Variants in TGFBR3 observed in about 807,000 individuals in gnomAD.
TGFBR3 encodes the protein transforming growth factor beta receptor 3.
TGFBR3 carries 46 observed loss-of-function variants against 87.9 expected under a neutral mutation model. That is an observed-to-expected ratio of 0.52 (90% CI 0.41 to 0.67). The LOEUF is 0.67. Ranked by LOEUF, TGFBR3 falls within the 30% of genes least tolerant of loss-of-function variation. The pLI is 0.00. For synonymous variants in TGFBR3, 381 were observed against 391.6 expected (o/e 0.97, Z 0.32); for missense variants, 866 against 1,041.9 (o/e 0.83, Z 2.32).
intron 14 of TGFBR3, among the ~76,000 whole-genome samples, chr1:91,707,895 T>G (rs1345223689): frequency 6.6e-6 from 1 of 152,236 alleles, no homozygotes; most frequent in African/African-American, 2.4e-5. Context: ...CCTTGTCAGA[T>G]GCTCTTCTCA....
intron 2 of TGFBR3, among the ~76,000 whole-genome samples, chr1:91,830,694 C>T (rs533719233): frequency 1.3e-5 from 2 of 152,080 alleles, no homozygotes; most frequent in Non-Finnish European, 2.9e-5. Flanking sequence ...CAATACCCCA[C>T]CCCTGACAGA....
chr1:91,721,018 A>G (rs1672349004), intron 8 of TGFBR3, among the ~76,000 whole-genome samples: 1 of 152,210 alleles, frequency 6.6e-6, no homozygotes, highest in Non-Finnish European at 1.5e-5. Context: ...TCGTATTTCT[A>G]ACAACTAAAA....
At chr1:91,738,401 T>TG (rs901479071) in intron 4 of TGFBR3, among the ~76,000 whole-genome samples, 12 of 152,190 alleles carry the variant, frequency 7.9e-5, no homozygotes, top group African/African-American at 2.9e-4. Context: ...GTTTGGATCA[T>TG]GGGGGCAGAT....
intron 4 of TGFBR3, among the ~76,000 whole-genome samples, chr1:91,747,612 G>A (rs1201511753): frequency 6.6e-6 from 1 of 152,216 alleles, no homozygotes; most frequent in African/African-American, 2.4e-5. Context: ...GTGATGGTCA[G>A]TTTTATATGT....
chr1:91,795,555 T>TA (rs1238875912), intron 3 of TGFBR3, among the ~76,000 whole-genome samples: 3 of 152,248 alleles, frequency 2.0e-5, no homozygotes, highest in Non-Finnish European at 2.9e-5. Context: ...TCAACAACAG[T>TA]ACTGCACAAT....
At chr1:91,854,572 C>A (rs1056852028) in intron 2 of TGFBR3, among the ~76,000 whole-genome samples, 1 of 152,066 alleles carries the variant, frequency 6.6e-6, no homozygotes, top group African/African-American at 2.4e-5. Flanking sequence ...ATATTTTACA[C>A]ATGAAAATTG....
chr1:91,739,396 C>T (rs1673074292), intron 4 of TGFBR3, among the ~76,000 whole-genome samples: 1 of 152,144 alleles, frequency 6.6e-6, no homozygotes, highest in African/African-American at 2.4e-5. Context: ...AAAATAAATG[C>T]AAAGTCTTAT....
chr1:91,746,818 A>T (rs1673366015), intron 4 of TGFBR3, among the ~76,000 whole-genome samples: 1 of 152,192 alleles, frequency 6.6e-6, no homozygotes. Flanking sequence ...TACCCAAGGC[A>T]CACAGCTGGC....
chr1:91,787,564 A>G (rs1345845854), intron 3 of TGFBR3, among the ~76,000 whole-genome samples: 1 of 152,178 alleles, frequency 6.6e-6, no homozygotes, highest in Non-Finnish European at 1.5e-5. Flanking sequence ...GGAGAAGCCC[A>G]GGCAGAGTTT....
intron 3 of TGFBR3, among the ~76,000 whole-genome samples, chr1:91,778,354 T>G (rs1055926704): frequency 6.6e-6 from 1 of 152,262 alleles, no homozygotes; most frequent in East Asian, 1.9e-4. Context: ...TGTCTTTATA[T>G]TGACAGAAAA....
chr1:91,760,143 A>G (rs1377287158), intron 3 of TGFBR3, among the ~76,000 whole-genome samples: 3 of 152,252 alleles, frequency 2.0e-5, no homozygotes, highest in Non-Finnish European at 4.4e-5. Flanking sequence ...TATTCTATGA[A>G]TAACTTGCAT....
Position 91,681,279 on chromosome 1 carries a change from GA to G in TGFBR3, c.*2459del, listed in dbSNP as rs1670898952. 2.3e-6 allele frequency: 1 copy of G among 442,742 alleles called. No homozygotes were observed. The highest frequency in any genetic ancestry group is 2.5e-5 in the Admixed American group (1 of 40,338). The allele number at this position is 442,742 out of a possible 1,614,324, so 27.4% of individuals were successfully genotyped here. A position where few individuals can be genotyped will look rare whatever the true frequency, so the allele number is the denominator to read the frequency against. On this transcript the variant is annotated 3_prime_UTR_variant, in exon 17 of 17. Transcript: ENST00000212355. ...ATGTTCATTTTTTAGAAACATTTCA[GA>G]AATACTTAACGACATTCACTCTCCA... is the stretch of plus-strand genomic sequence containing the variant.
chr1:91,800,814 G>T (rs927410130), intron 2 of TGFBR3: 1 of 157,970 alleles, frequency 6.3e-6, no homozygotes, highest in Non-Finnish European at 1.4e-5. Flanking sequence ...GCCCAGTGCG[G>T]TGGCTCATGC....
chr1:91,772,092 T>C (rs909852953), intron 3 of TGFBR3, among the ~76,000 whole-genome samples: 5 of 152,216 alleles, frequency 3.3e-5, no homozygotes, highest in Admixed American at 3.3e-4. Flanking sequence ...GAAAGGGTAC[T>C]GGAGCCAGAT....
chr1:91,704,530 G>A (rs973649030), intron 14 of TGFBR3, among the ~76,000 whole-genome samples: 2 of 152,144 alleles, frequency 1.3e-5, no homozygotes, highest in Admixed American at 1.3e-4. Flanking sequence ...CCATTTATAT[G>A]TTGTGTGCCC....
chr1:91,766,198 C>CTT (rs749978314), intron 3 of TGFBR3, among the ~76,000 whole-genome samples: 32,095 of 114,338 alleles, frequency 0.28, 5,272 homozygotes, highest in South Asian at 0.38. Flanking sequence ...AGTTTGTTTT[C>CTT]TTTTTTTTTT....
intron 11 of TGFBR3, 31 bp from the exon 12 acceptor site, chr1:91,716,425 G>A (rs1187420116): frequency 6.2e-7 from 1 of 1,614,134 alleles, no homozygotes. Flanking sequence ...GAAGATTAAT[G>A]ACAGTCATAT....
chr1:91,735,070 T>C (rs10874913), intron 4 of TGFBR3, 111 bp from the exon 5 acceptor site: 1,263,063 of 1,289,324 alleles, frequency 0.98, 622,122 homozygotes, highest in South Asian at 1. Context: ...CTCTTCCCTT[T>C]GTTATACAAG....
At chr1:91,836,430 C>T (rs1677068669) in intron 2 of TGFBR3, among the ~76,000 whole-genome samples, 1 of 64,560 alleles carries the variant, frequency 1.5e-5, no homozygotes, top group South Asian at 4.2e-4. Flanking sequence ...CAGAGGAGTA[C>T]ACTGTAAAAT....
Sources: gnomAD v4.1 joint callset for allele counts (sites outside exome capture counted in the v4.1 genomes callset) on GRCh38, gnomAD v4.1.1 for gene constraint, MANE v1.5 for transcripts, NCBI Gene and HGNC (gene_info 2026-07-23, HGNC 2026-07-21) for gene names.